DSG3: variants seen among roughly 807,000 people sequenced by gnomAD.
DSG3 encodes desmoglein-3.
In DSG3, 63 loss-of-function variants were observed where a neutral mutation model predicts 85.9. The observed-to-expected ratio is 0.73, with a 90% CI of 0.60 to 0.90. The LOEUF (loss-of-function observed/expected upper bound fraction) is 0.90. Among genes scored for constraint, DSG3 ranks in the 40% least tolerant of loss-of-function variants. DSG3 has a pLI of 0.00. For missense variants in DSG3, 1,220 were observed against 1,219.9 expected (o/e 1.00, Z 0.00); for synonymous variants, 447 against 441.9 (o/e 1.01, Z -0.14).
In DSG3 at chr18:31,457,282, TGAGA is replaced by T. The variant is rs1307627345; in HGVS notation, c.216+161_216+164del. Among the ~76,000 whole-genome samples, 4 of 151,478 alleles carry T rather than the reference TGAGA, an allele frequency of 2.6e-5. 1 individual carries two copies. The highest frequency in any genetic ancestry group is 6.8e-3 in the Middle Eastern group (2 of 294). On this transcript the variant is annotated intron_variant, in intron 3 of 15. Coordinates refer to ENST00000257189, the MANE Select transcript of DSG3 (RefSeq NM_001944.3). ...CAAAATAGTACAATAATAATAATAA[TGAGA>T]GAAAGAGAGAAAGGAAGGTAGCTTC... is the stretch of plus-strand genomic sequence containing the variant.
At position 31,476,515 on chromosome 18, in the gene DSG3, A is replaced by C; in HGVS notation, c.*255A>C. 1 of 366,024 alleles carries C rather than the reference A, an allele frequency of 2.7e-6. No homozygotes were observed. The highest frequency in any genetic ancestry group is 9.6e-5 in the South Asian group (1 of 10,434). The allele number at this position is 366,024 out of a possible 1,614,324, so 22.7% of individuals were successfully genotyped here. A position where few individuals can be genotyped will look rare whatever the true frequency, so the allele number is the denominator to read the frequency against. On this transcript the variant is annotated 3_prime_UTR_variant, in exon 16 of 16. Transcript: ENST00000257189. ...TCAAAACCCTAAAATCATATTCGCCAGGAAATTTTCCTAAACATTCTTAAG... is the reference window on the plus strand; with the variant it reads ...TCAAAACCCTAAAATCATATTCGCCCGGAAATTTTCCTAAACATTCTTAAG...
At chr18:31,469,423 A>G (rs1214848178) in intron 12 of DSG3, 74 bp downstream of exon 12, 1 of 1,566,884 alleles carries the variant, frequency 6.4e-7, no homozygotes, top group Non-Finnish European at 8.7e-7. Context: ...TGCCCTGCTC[A>G]TCTGTGCAAT....
At position 31,473,229 on chromosome 18, in the gene DSG3, C is replaced by T. The variant is rs545714461; in HGVS notation, c.2101+441C>T. Among the ~76,000 whole-genome samples the T allele has an allele frequency of 5.3e-5, 8 of 152,274 alleles. No individual in the cohort carries two copies. In the East Asian group the frequency reaches 1.3e-3, roughly 26 times the overall value. ...TCATGTGCACATCCTTGATCCTGTT[C>T]CCCTTCTTTCTTCCCCAGAACTAAC... On this transcript the variant is annotated intron_variant, in intron 14 of 15. Coordinates refer to ENST00000257189, the MANE Select transcript of DSG3 (RefSeq NM_001944.3).
rs1482039702 is a variant in DSG3 at position 31,459,947 on chromosome 18, C to T, written c.620C>T (p.Pro207Leu). The change falls in exon 6 of 16, where the codon CCC (proline) becomes CTC (leucine). Residue 207 changes from proline to leucine, a missense_variant. By Grantham distance (98) the Pro-to-Leu change is moderately conservative (BLOSUM62 -3). Coordinates refer to ENST00000257189, the MANE Select transcript of DSG3 (RefSeq NM_001944.3). ...KIVSQEPAGT[P>L]MFLLSRNTGE... is the part of the protein sequence containing the mutation. ...GTCTCTCAGGAACCAGCAGGCACAC[C>T]CATGTTCCTCCTAAGCAGAAACACT... is the stretch of plus-strand genomic sequence containing the variant. 3 of 1,613,968 alleles carry T rather than the reference C, an allele frequency of 1.9e-6. No individual in the cohort carries two copies. Among genetic ancestry groups the T allele is most frequent in the Non-Finnish European group, 2.5e-6 (3 of 1,179,970 alleles).
In DSG3 at chr18:31,466,700, C is replaced by T. The variant is rs201769930; in HGVS notation, c.1582C>T (p.Leu528=). The T allele has an allele frequency of 6.2e-7, 1 of 1,614,084 alleles. No individual in the cohort carries two copies. The highest frequency in any genetic ancestry group is 1.3e-5 in the African/African-American group (1 of 74,932). Residue 528 remains leucine, a synonymous_variant, in exon 11 of 16, where the codon CTG becomes TTG. Coordinates refer to ENST00000257189, the MANE Select transcript of DSG3 (RefSeq NM_001944.3). Reference sequence around the variant, plus strand: ...ATACACTGGCCCCTATACATTTGCACTGGAAGATCAACCTGTAAAGTTGCC... The same window carrying T: ...ATACACTGGCCCCTATACATTTGCATTGGAAGATCAACCTGTAAAGTTGCC... ...NRYTGPYTFA[L]EDQPVKLPAV...
chr18:31,459,935 C>G lies in DSG3; in HGVS notation c.608C>G (p.Pro203Arg). The G allele has an allele frequency of 6.2e-7, 1 of 1,614,028 alleles. No individual in the cohort carries two copies. Among genetic ancestry groups the G allele is most frequent in the African/African-American group, 1.3e-5 (1 of 75,028 alleles). ...KIAFKIVSQE[P>R]AGTPMFLLSR... Reference sequence around the variant, plus strand: ...GCCTTCAAAATTGTCTCTCAGGAACCAGCAGGCACACCCATGTTCCTCCTA... The same window carrying G: ...GCCTTCAAAATTGTCTCTCAGGAACGAGCAGGCACACCCATGTTCCTCCTA... The change falls in exon 6 of 16, where the codon CCA becomes CGA. Residue 203 changes from proline (P) to arginine (R), a missense_variant. Physicochemically the swap from Pro to Arg is moderately radical, Grantham distance 103. Transcript: ENST00000257189.
intron 8 of DSG3, 42 bp from the exon 9 acceptor site, chr18:31,464,069 G>A (rs2072801546): frequency 1.9e-6 from 3 of 1,581,466 alleles, no homozygotes; most frequent in East Asian, 2.2e-5. Flanking sequence ...TTGCGGGAGT[G>A]TATTTTTGTG....
chr18:31,476,574 A>G lies in DSG3; in HGVS notation c.*314A>G. On this transcript the variant is annotated 3_prime_UTR_variant, in exon 16 of 16. Coordinates refer to ENST00000257189, the MANE Select transcript of DSG3 (RefSeq NM_001944.3). Reference sequence around the variant, plus strand: ...TTTCCCCTGCCAAAGGAAGGTGTTTATCATTTTAAAATGCAATGTGATTTA... The same window carrying G: ...TTTCCCCTGCCAAAGGAAGGTGTTTGTCATTTTAAAATGCAATGTGATTTA... The G allele has an allele frequency of 4.1e-6, 1 of 242,566 alleles. No homozygotes were observed. Among genetic ancestry groups the G allele is most frequent in the Non-Finnish European group, 7.9e-6 (1 of 126,316 alleles). The allele number at this position is 242,566 out of a possible 1,614,324, so 15.0% of individuals were successfully genotyped here.
At chr18:31,450,554 G>A (rs60846965) in intron 1 of DSG3, among the ~76,000 whole-genome samples, 2,804 of 152,264 alleles carry the variant, frequency 0.018, 85 homozygotes, top group African/African-American at 0.064. Flanking sequence ...TGCAGGGTGG[G>A]TTCTGAAAGT....
chr18:31,449,199 C>T (rs963727436), intron 1 of DSG3, among the ~76,000 whole-genome samples: 5 of 152,086 alleles, frequency 3.3e-5, no homozygotes, highest in African/African-American at 1.2e-4. Context: ...CACCCAGCCT[C>T]TAAGATTCTA....
At position 31,460,050 on chromosome 18, in the gene DSG3, G is replaced by T. The variant is rs779207474; in HGVS notation, c.684+39G>T. ...CTTGGGGGAACATTCAAGATTAAAG[G>T]GTTTGATTATAAGAAAACCAAGAGA... On this transcript the variant is annotated intron_variant, in intron 6 of 15. Transcript: ENST00000257189. 3 of 1,558,876 alleles carry T rather than the reference G, an allele frequency of 1.9e-6. No homozygotes were observed. The Admixed American group carries it at 5.8e-5, about 30-fold the overall frequency.
intron 13 of DSG3, 67 bp from the exon 14 acceptor site, chr18:31,472,658 C>A: frequency 6.6e-7 from 1 of 1,518,784 alleles, no homozygotes; most frequent in Non-Finnish European, 9.1e-7. Context: ...CAAAGGGCCA[C>A]ATGTCACTAT....
chr18:31,461,273 G>T lies in DSG3; in HGVS notation c.860G>T (p.Arg287Leu). 3 of 1,613,494 alleles carry T rather than the reference G, an allele frequency of 1.9e-6. No homozygotes were observed. Among genetic ancestry groups the T allele is most frequent in the Non-Finnish European group, 2.5e-6 (3 of 1,179,748 alleles). ...EENILSSELL[R>L]FQVTDLDEEY... ...AATATTTTAAGTTCTGAATTACTTCGATTTCAAGTAACAGATTTGGATGAA... is the reference window on the plus strand; with the variant it reads ...AATATTTTAAGTTCTGAATTACTTCTATTTCAAGTAACAGATTTGGATGAA... The change falls in exon 8 of 16, where the codon CGA becomes CTA. Residue 287 changes from arginine to leucine, a missense_variant. By Grantham distance (102) the Arg-to-Leu change is moderately radical (BLOSUM62 -2). Transcript: ENST00000257189.
At position 31,472,787 on chromosome 18, in the gene DSG3, T is replaced by C. The variant is rs1283728264; in HGVS notation, c.2100T>C (p.Ser700=). 2 of 1,613,922 alleles carry C rather than the reference T, an allele frequency of 1.2e-6. No homozygotes were observed. Among genetic ancestry groups the C allele is most frequent in the Admixed American group, 3.3e-5 (2 of 60,030 alleles). ...ATGGAGCCGATTTCATGGAAAGTTC[T>C]GGTAAGTGGACATAAAATGTTTGAA... The part of the protein sequence containing the change: ...TANGADFMES[S]EVCTNTYARG... Residue 700 remains serine, a splice_region_variant and synonymous_variant, in exon 14 of 16, where the codon TCT becomes TCC. Coordinates refer to ENST00000257189, the MANE Select transcript of DSG3 (RefSeq NM_001944.3).
chr18:31,460,074 G>C (rs1034988442), intron 6 of DSG3, 63 bp downstream of exon 6: 1 of 1,499,150 alleles, frequency 6.7e-7, no homozygotes, highest in African/African-American at 1.4e-5. Context: ...AAAACCAAGA[G>C]AGGTGACTCC....
At position 31,447,858 on chromosome 18, in the gene DSG3, C is replaced by A; in HGVS notation, c.-20C>A. The A allele has an allele frequency of 6.3e-7, 1 of 1,583,852 alleles. No homozygotes were observed. ...AAGCAGCGGCTCACTTGGACTTTTT[C>A]ACCAGGGAAATCAGAGACAATGATG... On this transcript the variant is annotated 5_prime_UTR_variant, in exon 1 of 16. Transcript: ENST00000257189.
Position 31,466,689 on chromosome 18 carries a change from A to G in DSG3, c.1571A>G (p.Tyr524Cys). The G allele has an allele frequency of 6.2e-7, 1 of 1,614,220 alleles. No homozygotes were observed. The highest frequency in any genetic ancestry group is 8.5e-7 in the Non-Finnish European group (1 of 1,180,046). Residue 524 changes from tyrosine (Y) to cysteine (C), a missense_variant, in exon 11 of 16, where the codon TAT becomes TGT. Transcript: ENST00000257189. ...RTLNNRYTGP[Y>C]TFALEDQPVK... Reference sequence around the variant, plus strand: ...CTGAATAATAGATACACTGGCCCCTATACATTTGCACTGGAAGATCAACCT... The same window carrying G: ...CTGAATAATAGATACACTGGCCCCTGTACATTTGCACTGGAAGATCAACCT...
rs200049726 is a variant in DSG3, at chr18:31,465,395, T to C, written c.1349T>C (p.Met450Thr). The change falls in exon 10 of 16, where the codon ATG becomes ACG. Residue 450 changes from methionine to threonine, a missense_variant. Met to Thr is a moderately conservative substitution (Grantham distance 81). Transcript: ENST00000257189. Reference protein sequence around the residue: ...KTAEIKFVKNMNRDSTFIVNK... With the variant: ...KTAEIKFVKNTNRDSTFIVNK... ...GCTGAAATCAAATTTGTCAAAAATA[T>C]GAACCGAGATTCTACTTTCATAGTT... The C allele has an allele frequency of 7.7e-6, 12 of 1,551,160 alleles. No individual in the cohort carries two copies. The highest frequency in any genetic ancestry group is 1.0e-5 in the Non-Finnish European group (12 of 1,150,070).
chr18:31,457,057 A>C lies in DSG3; in HGVS notation c.149A>C (p.Glu50Ala). Residue 50 changes from glutamate (E) to alanine (A), a missense_variant, in exon 3 of 16, where the codon GAA (glutamate) becomes GCA (alanine). By Grantham distance (107) the Glu-to-Ala change is moderately radical (BLOSUM62 -1). Transcript: ENST00000257189. ...CAAGCTAAAAGAAGGCAAAAACGTG[A>C]ATGGGTGAAATTTGCCAAACCCTGC... ...MQQAKRRQKR[E>A]WVKFAKPCRE... 6.2e-7 allele frequency: 1 copy of C among 1,613,494 alleles called. No homozygotes were observed. Among genetic ancestry groups the C allele is most frequent in the South Asian group, 1.1e-5 (1 of 90,996 alleles).
Sources: gnomAD v4.1 joint callset for allele counts (sites outside exome capture counted in the v4.1 genomes callset) on GRCh38, gnomAD v4.1.1 for gene constraint, MANE v1.5 for transcripts, NCBI Gene and HGNC (gene_info 2026-07-23, HGNC 2026-07-21) for gene names.